The following NFKB2 variants were observed in gnomAD, a reference collection of about 807,000 sequenced individuals.
NFKB2 encodes nuclear factor NF-kappa-B p100 subunit.
NFKB2 carries 21 observed loss-of-function variants against 109.3 expected under a neutral mutation model. The observed-to-expected ratio is 0.19, with a 90% CI of 0.14 to 0.28. The LOEUF (loss-of-function observed/expected upper bound fraction) is 0.28, where lower values mean the gene tolerates loss of function less well. NFKB2 is among the 10% of genes least tolerant of loss of function. NFKB2 has a pLI of 1.00. For synonymous variants in NFKB2, 478 were observed against 489.9 expected, an observed-to-expected ratio of 0.98 and a Z score of 0.32; for missense variants, 806 against 1,185.3, an observed-to-expected ratio of 0.68 and a Z score of 4.70.
chr10:102,401,120 C>G lies in NFKB2; in HGVS notation c.2072-60C>G. 2 of 1,609,540 alleles carry G rather than the reference C, an allele frequency of 1.2e-6. No individual in the cohort carries two copies. The highest frequency in any genetic ancestry group is 1.7e-6 in the Non-Finnish European group (2 of 1,176,696). ...AGAGAGGTGCCTCCCAGTCCCCCGACTTTGCAGTCCTTAATGTAGGCCCCC... is the reference window on the plus strand; with the variant it reads ...AGAGAGGTGCCTCCCAGTCCCCCGAGTTTGCAGTCCTTAATGTAGGCCCCC... On this transcript the variant is annotated intron_variant, in intron 18 of 22. Transcript: ENST00000661543. The surrounding 1 kb of genome is among the most constrained non-coding windows in gnomAD (Gnocchi z 4.2).
chr10:102,395,664 C>T, upstream of NFKB2: 1 of 512,398 alleles, frequency 2.0e-6, no homozygotes, highest in Non-Finnish European at 3.5e-6. Flanking sequence ...CCTCCGGCCC[C>T]GCCTCCCCTT....
At position 102,400,262 on chromosome 10, in the gene NFKB2, C is replaced by G. The variant is rs1393147833; in HGVS notation, c.1585-16C>G. The stretch of plus-strand genomic sequence containing the variant: ...AAGTGGGTCTCGGGCCTGGCTCACC[C>G]TGCTTTCATCCCCAGACGCCCCTGC... On this transcript the variant is annotated splice_polypyrimidine_tract_variant and intron_variant, in intron 15 of 22. Transcript: ENST00000661543. The surrounding 1 kb of genome is among the most constrained non-coding windows in gnomAD (Gnocchi z 6.3). 14 of 1,613,928 alleles carry G rather than the reference C, an allele frequency of 8.7e-6. No homozygotes were observed. The highest frequency in any genetic ancestry group is 1.2e-5 in the Non-Finnish European group (14 of 1,180,018).
chr10:102,397,520 T>C lies in NFKB2; in HGVS notation c.503-7T>C, dbSNP rs780741644. On this transcript the variant is annotated splice_polypyrimidine_tract_variant and splice_region_variant and intron_variant, in intron 7 of 22. Coordinates refer to ENST00000661543, the MANE Select transcript of NFKB2 (RefSeq NM_001322934.2). This position sits in a 1 kb window ranked among gnomAD's most constrained non-coding sequence, Gnocchi z 4.7. ...GCCCAGGGGTCACACATGTACCTAC[T>C]GCCCAGAGGCCGAGCAGCGGGAGCT... is the stretch of plus-strand genomic sequence containing the variant. 5 of 1,612,346 alleles carry C rather than the reference T, an allele frequency of 3.1e-6. No individual in the cohort carries two copies. The East Asian group carries it at 1.1e-4, about 36-fold the overall frequency.
rs2061107639 is a variant in NFKB2 at position 102,396,179 on chromosome 10, G to A, written c.22-74G>A. 1 of 1,528,288 alleles carries A rather than the reference G, an allele frequency of 6.5e-7. No individual in the cohort carries two copies. Among genetic ancestry groups the A allele is most frequent in the Non-Finnish European group, 9.0e-7 (1 of 1,112,186 alleles). 94.7% of individuals were successfully genotyped at this position (1,528,288 alleles called of 1,614,324 possible). A position where few individuals can be genotyped will look rare whatever the true frequency, so the allele number is the denominator to read the frequency against. On this transcript the variant is annotated intron_variant, in intron 2 of 22. Coordinates refer to ENST00000661543, the MANE Select transcript of NFKB2 (RefSeq NM_001322934.2). This position sits in a 1 kb window ranked among gnomAD's most constrained non-coding sequence, Gnocchi z 5.9. ...GGAGGAGGGGGGAGTGACCACTGAA[G>A]ACTTGGAGATGGGAGGTGGGGCTGT... is the stretch of plus-strand genomic sequence containing the variant.
At position 102,401,753 on chromosome 10, in the gene NFKB2, C is replaced by T. The variant is rs1554991897; in HGVS notation, c.2302C>T (p.Leu768=). The T allele has an allele frequency of 3.7e-6, 6 of 1,601,224 alleles. No individual in the cohort carries two copies. The highest frequency in any genetic ancestry group is 2.7e-5 in the African/African-American group (2 of 74,582). The change falls in exon 21 of 23, where the codon CTG becomes TTG. Residue 768 remains leucine, a synonymous_variant. Transcript: ENST00000661543. The surrounding 1 kb of genome is among the most constrained non-coding windows in gnomAD (Gnocchi z 4.2). Reference sequence around the variant, plus strand: ...ATGTGTGTCCCCCTAAGGGCCGGGACTGTCACTTGGTGATACAGCTCTGCA... The same window carrying T: ...ATGTGTGTCCCCCTAAGGGCCGGGATTGTCACTTGGTGATACAGCTCTGCA... ...LTPPSPAGPG[L]SLGDTALQNL... is the part of the protein sequence containing the mutation.
chr10:102,399,187 G>A (rs2061171021), intron 12 of NFKB2, 101 bp from the exon 13 acceptor site: 1 of 1,182,946 alleles, frequency 8.5e-7, no homozygotes, highest in Non-Finnish European at 1.2e-6. Flanking sequence ...TGCACTCCAG[G>A]CTGGGCAATA....
At position 102,397,059 on chromosome 10, in the gene NFKB2, G is replaced by A. The variant is rs1429815339; in HGVS notation, c.395+4G>A. The A allele has an allele frequency of 6.2e-7, 1 of 1,608,118 alleles. No homozygotes were observed. The stretch of plus-strand genomic sequence containing the variant: ...GGCCCAAGGACATGACTGCCCAGTA[G>A]GTGCCCTCTACGCCTGGCCCCCACT... On this transcript the variant is annotated splice_donor_region_variant and intron_variant, in intron 6 of 22. Coordinates refer to ENST00000661543, the MANE Select transcript of NFKB2 (RefSeq NM_001322934.2). This position sits in a 1 kb window ranked among gnomAD's most constrained non-coding sequence, Gnocchi z 4.7.
At position 102,401,260 on chromosome 10, in the gene NFKB2, G is replaced by C. The variant is rs754760858; in HGVS notation, c.2152G>C (p.Glu718Gln). The change falls in exon 19 of 23, where the codon GAA becomes CAA. Residue 718 changes from glutamate to glutamine, a missense_variant. Transcript: ENST00000661543. The surrounding 1 kb of genome is among the most constrained non-coding windows in gnomAD (Gnocchi z 4.2). ...TACCTCTGATAGCGACTCGGACTCT[G>C]AAGGGCCTGAGAAGGACACCCGAAG... Reference protein sequence around the residue: ...PPTSDSDSDSEGPEKDTRSSF... With the variant: ...PPTSDSDSDSQGPEKDTRSSF... 1 of 1,612,120 alleles carries C rather than the reference G, an allele frequency of 6.2e-7. No individual in the cohort carries two copies. The highest frequency in any genetic ancestry group is 1.1e-5 in the South Asian group (1 of 90,794).
chr10:102,399,849 A>G (rs2061196318), intron 14 of NFKB2, 131 bp downstream of exon 14: 5 of 1,352,188 alleles, frequency 3.7e-6, no homozygotes, highest in Non-Finnish European at 4.9e-6. Flanking sequence ...AGCTCTGTTC[A>G]AGCTGCTTGG....
In NFKB2 at chr10:102,400,729, G is replaced by A. The variant is rs1250791910; in HGVS notation, c.1873G>A (p.Glu625Lys). The A allele has an allele frequency of 1.9e-6, 3 of 1,613,914 alleles. No individual in the cohort carries two copies. The highest frequency in any genetic ancestry group is 1.7e-6 in the Non-Finnish European group (2 of 1,179,972). ...CLDLLVDSGA[E>K]VEATERQGGR... is the part of the protein sequence containing the mutation. ...GGATCTGCTGGTGGACAGTGGGGCT[G>A]AAGTGGAGGCCACAGAGCGGCAGGG... Residue 625 changes from glutamate (E) to lysine (K), a missense_variant, in exon 17 of 23, where the codon GAA becomes AAA. Physicochemically the swap from Glu to Lys is moderately conservative, Grantham distance 56. Coordinates refer to ENST00000661543, the MANE Select transcript of NFKB2 (RefSeq NM_001322934.2). The surrounding 1 kb of genome is among the most constrained non-coding windows in gnomAD (Gnocchi z 6.3).
In NFKB2 at chr10:102,400,866, G is replaced by A. The variant is rs1352702452; in HGVS notation, c.1968+42G>A. 6 of 1,576,828 alleles carry A rather than the reference G, an allele frequency of 3.8e-6. No individual in the cohort carries two copies. The highest frequency in any genetic ancestry group is 5.2e-6 in the Non-Finnish European group (6 of 1,159,252). On this transcript the variant is annotated intron_variant, in intron 17 of 22. Transcript: ENST00000661543. The surrounding 1 kb of genome is among the most constrained non-coding windows in gnomAD (Gnocchi z 6.3). ...TGGAAGGAGTGGGGCCAAGGGTGGT[G>A]GAGGGGCCAAAGATGGTGAAGGGGG...
Position 102,401,271 on chromosome 10 carries a change from G to T in NFKB2, c.2163G>T (p.Glu721Asp). The T allele has an allele frequency of 6.2e-7, 1 of 1,612,140 alleles. No individual in the cohort carries two copies. Among genetic ancestry groups the T allele is most frequent in the South Asian group, 1.1e-5 (1 of 90,818 alleles). Residue 721 changes from glutamate (E) to aspartate (D), a missense_variant, in exon 19 of 23, where the codon GAG becomes GAT. Glu to Asp is a conservative substitution (Grantham distance 45, BLOSUM62 2). Transcript: ENST00000661543. The surrounding 1 kb of genome is among the most constrained non-coding windows in gnomAD (Gnocchi z 4.2). ...GCGACTCGGACTCTGAAGGGCCTGA[G>T]AAGGACACCCGAAGCAGCTTCCGGG... ...SDSDSDSEGP[E>D]KDTRSSFRGH...
Position 102,402,503 on chromosome 10 carries a change from A to G in NFKB2, c.*127A>G. 1 of 605,370 alleles carries G rather than the reference A, an allele frequency of 1.7e-6. No homozygotes were observed. The allele number at this position is 605,370 out of a possible 1,614,324, so 37.5% of individuals were successfully genotyped here. On this transcript the variant is annotated 3_prime_UTR_variant, in exon 23 of 23. Coordinates refer to ENST00000661543, the MANE Select transcript of NFKB2 (RefSeq NM_001322934.2). ...AATAAAGGATTCTCATGGGAAGGGG[A>G]GGACCCCTCCTTCCCAACTTATGGC...
At position 102,400,428 on chromosome 10, in the gene NFKB2, C is replaced by T. The variant is rs763966838; in HGVS notation, c.1735C>T (p.Arg579Cys). The T allele has an allele frequency of 1.2e-6, 2 of 1,612,786 alleles. No individual in the cohort carries two copies. Among genetic ancestry groups the T allele is most frequent in the East Asian group, 2.2e-5 (1 of 44,882 alleles). Residue 579 changes from arginine (R) to cysteine (C), a missense_variant, in exon 16 of 23, where the codon CGT (arginine) becomes TGT (cysteine). Arg to Cys is a radical substitution (Grantham distance 180). Coordinates refer to ENST00000661543, the MANE Select transcript of NFKB2 (RefSeq NM_001322934.2). This position sits in a 1 kb window ranked among gnomAD's most constrained non-coding sequence, Gnocchi z 6.3. The part of the protein sequence containing the change: ...RAGAGAPELL[R>C]ALLQSGAPAV... ...AGGCGCTGGTGCTCCTGAGCTGCTG[C>T]GTGCACTGCTTCAGAGTGGAGCTCC... is the stretch of plus-strand genomic sequence containing the variant.
rs1157043951 is a variant in NFKB2 at position 102,398,422 on chromosome 10, T to C, written c.890T>C (p.Met297Thr). The change falls in exon 11 of 23, where the codon ATG becomes ACG. Residue 297 changes from methionine (M) to threonine (T), a missense_variant. By Grantham distance (81) the Met-to-Thr change is moderately conservative. This residue lies in a region of NFKB2 where 64 missense variants were observed against 177.4 expected (regional missense o/e 0.36). Coordinates refer to ENST00000661543, the MANE Select transcript of NFKB2 (RefSeq NM_001322934.2). The surrounding 1 kb of genome is among the most constrained non-coding windows in gnomAD (Gnocchi z 6.6). The stretch of plus-strand genomic sequence containing the variant: ...TTCCGGACACCCCCCTATCACAAGA[T>C]GAAGATTGAGCGGCCTGTAACAGTG... ...IVFRTPPYHK[M>T]KIERPVTVFL... 1 of 1,614,022 alleles carries C rather than the reference T, an allele frequency of 6.2e-7. No individual in the cohort carries two copies. The highest frequency in any genetic ancestry group is 1.7e-5 in the Admixed American group (1 of 60,012).
At chr10:102,402,213 G>A (rs554547633) in intron 22 of NFKB2, 39 bp from the exon 23 acceptor site, 3 of 1,551,912 alleles carry the variant, frequency 1.9e-6, no homozygotes, top group Non-Finnish European at 2.6e-6. Context: ...GGAGGCCTGA[G>A]GCTTTGACTA....
In NFKB2 at chr10:102,401,943, T is replaced by TC; in HGVS notation, c.2466+30dup. On this transcript the variant is annotated intron_variant, in intron 21 of 22. Transcript: ENST00000661543. The surrounding 1 kb of genome is among the most constrained non-coding windows in gnomAD (Gnocchi z 4.2). ...GTGGGTTGGCCTGTGCCCTGCCCCC[T>TC]CCCCAGCCTCCTTTCCCGATCTGAG... 6.2e-7 allele frequency: 1 copy of TC among 1,600,422 alleles called. No homozygotes were observed. Among genetic ancestry groups the TC allele is most frequent in the Non-Finnish European group, 8.5e-7 (1 of 1,172,108 alleles).
Position 102,398,330 on chromosome 10 carries a change from G to A in NFKB2, c.852+33G>A. On this transcript the variant is annotated intron_variant, in intron 10 of 22. Coordinates refer to ENST00000661543, the MANE Select transcript of NFKB2 (RefSeq NM_001322934.2). This position sits in a 1 kb window ranked among gnomAD's most constrained non-coding sequence, Gnocchi z 6.6. ...GGGCTAGGGCCCGGGCCCGGGCTGGGGGCTAAATTAGGCTAAGGACTCACT... is the reference window on the plus strand; with the variant it reads ...GGGCTAGGGCCCGGGCCCGGGCTGGAGGCTAAATTAGGCTAAGGACTCACT... The A allele has an allele frequency of 6.2e-7, 1 of 1,614,060 alleles. No individual in the cohort carries two copies. The highest frequency in any genetic ancestry group is 8.5e-7 in the Non-Finnish European group (1 of 1,179,986).
upstream of NFKB2, chr10:102,394,770 G>A (rs2061070094): frequency 6.6e-6 from 1 of 152,532 alleles, no homozygotes. Flanking sequence ...AAGATACGCG[G>A]ACCCGTACGT....
Sources: allele counts gnomAD v4.1 joint callset, GRCh38; gene constraint gnomAD v4.1.1; regional missense constraint gnomAD v4.1.1; non-coding constraint Gnocchi (gnomAD v3.1); transcripts MANE v1.5; gene names NCBI Gene and HGNC (gene_info 2026-07-23, HGNC 2026-07-21).